The following PAPSS1 variants were observed in gnomAD, a reference collection of about 807,000 sequenced individuals.
The protein encoded by PAPSS1 is 3'-phosphoadenosine 5'-phosphosulfate synthase 1.
PAPSS1 carries 50 observed loss-of-function variants against 72.0 expected under a neutral mutation model. The ratio of observed to expected loss-of-function variants is 0.69; its 90% CI spans 0.55 to 0.88. The LOEUF is 0.88. Among genes scored for constraint, PAPSS1 ranks in the 40% least tolerant of loss-of-function variants. PAPSS1 has a pLI of 0.00. For missense variants in PAPSS1, 657 were observed against 782.2 expected (o/e 0.84, Z 1.91); for synonymous variants, 261 against 263.6 (o/e 0.99, Z 0.09).
chr4:107,717,463 G>A (rs964289836), intron 1 of PAPSS1, among the ~76,000 whole-genome samples: 13 of 152,148 alleles, frequency 8.5e-5, no homozygotes, highest in African/African-American at 3.1e-4. Context: ...ATATCCCTGT[G>A]AGGCTATCAT....
intron 3 of PAPSS1, 98 bp from the exon 4 acceptor site, chr4:107,687,275 G>A: frequency 1.2e-6 from 1 of 810,426 alleles, no homozygotes; most frequent in Non-Finnish European, 1.8e-6. Flanking sequence ...CAATTTAGTG[G>A]GAAATAGACA....
At chr4:107,628,627 ATC>A (rs1726156341) in intron 11 of PAPSS1, among the ~76,000 whole-genome samples, 1 of 152,212 alleles carries the variant, frequency 6.6e-6, no homozygotes, top group Admixed American at 6.5e-5. Context: ...TTGTTGTATT[ATC>A]TGTTTGCTTG....
At position 107,714,262 on chromosome 4, in the gene PAPSS1, C is replaced by A. The variant is rs1025802461; in HGVS notation, c.60+5858G>T. Among the ~76,000 whole-genome samples, 9 of 152,290 alleles carry A rather than the reference C, an allele frequency of 5.9e-5. No individual in the cohort carries two copies. The East Asian group carries it at 1.7e-3, about 29-fold the overall frequency. Reference sequence around the variant, plus strand: ...CTCTTAGTAATTTTCCATCCACCGACCCCCACCCTGCTCCCTCACCATAAA... The same window carrying A: ...CTCTTAGTAATTTTCCATCCACCGAACCCCACCCTGCTCCCTCACCATAAA... On this transcript the variant is annotated intron_variant, in intron 1 of 11. Transcript: ENST00000265174.
At chr4:107,674,587 G>C (rs984136237) in intron 5 of PAPSS1, among the ~76,000 whole-genome samples, 1 of 152,132 alleles carries the variant, frequency 6.6e-6, no homozygotes, top group Non-Finnish European at 1.5e-5. Flanking sequence ...AATAATGGGA[G>C]ACTTTAACAC....
intron 2 of PAPSS1, among the ~76,000 whole-genome samples, chr4:107,696,615 G>T (rs1292833660): frequency 6.6e-6 from 1 of 152,016 alleles, no homozygotes; most frequent in Non-Finnish European, 1.5e-5. Flanking sequence ...AAAGCATCAG[G>T]ATAAATAGCT....
intron 3 of PAPSS1, among the ~76,000 whole-genome samples, chr4:107,688,071 T>G (rs541885426): frequency 2.0e-5 from 3 of 151,888 alleles, no homozygotes; most frequent in Admixed American, 6.6e-5. Context: ...ATCTACATAC[T>G]AATGATCCTT....
intron 11 of PAPSS1, among the ~76,000 whole-genome samples, chr4:107,628,778 T>C (rs1324618921): frequency 6.6e-6 from 1 of 152,180 alleles, no homozygotes; most frequent in African/African-American, 2.4e-5. Flanking sequence ...GCTACACATT[T>C]TGGGCTAAGA....
At chr4:107,645,095 A>T (rs771499442) in intron 9 of PAPSS1, 25 bp from the exon 10 acceptor site, 1 of 1,473,080 alleles carries the variant, frequency 6.8e-7, no homozygotes, top group Non-Finnish European at 9.0e-7. Context: ...TCCAGAGTTA[A>T]GAATAGCATG....
At chr4:107,647,986 A>G (rs1726737853) in intron 9 of PAPSS1, among the ~76,000 whole-genome samples, 1 of 152,060 alleles carries the variant, frequency 6.6e-6, no homozygotes, top group Non-Finnish European at 1.5e-5. Flanking sequence ...CTTTCCCTCA[A>G]TTCTTCTACC....
Position 107,647,419 on chromosome 4 carries a change from T to A in PAPSS1, c.1238-2349A>T, listed in dbSNP as rs111650279. Among the ~76,000 whole-genome samples, 1,113 of 152,302 alleles carry A rather than the reference T, an allele frequency of 7.3e-3. 12 individuals are homozygous for A. The highest frequency in any genetic ancestry group is 0.024 in the African/African-American group (994 of 41,578). The stretch of plus-strand genomic sequence containing the variant: ...TGTTCCATCAACAGTGAGGATGAAA[T>A]GAGAGCCAAATTCAAATGGCACTTT... On this transcript the variant is annotated intron_variant, in intron 9 of 11. Transcript: ENST00000265174.
At chr4:107,646,879 G>A (rs1392837817) in intron 9 of PAPSS1, among the ~76,000 whole-genome samples, 1 of 152,146 alleles carries the variant, frequency 6.6e-6, no homozygotes, top group Non-Finnish European at 1.5e-5. Context: ...CTACCTCAGA[G>A]GCTCAGTTTC....
intron 1 of PAPSS1, among the ~76,000 whole-genome samples, chr4:107,702,514 G>A (rs1441828980): frequency 1.3e-5 from 2 of 151,756 alleles, no homozygotes; most frequent in Non-Finnish European, 2.9e-5. Context: ...ACCCCCACTC[G>A]ACCCCAAACC....
At chr4:107,654,076 C>T (rs971528949) in intron 8 of PAPSS1, among the ~76,000 whole-genome samples, 1 of 152,116 alleles carries the variant, frequency 6.6e-6, no homozygotes, top group Non-Finnish European at 1.5e-5. Context: ...CCTTTCCCTG[C>T]ATCCGAAAGG....
intron 10 of PAPSS1, among the ~76,000 whole-genome samples, chr4:107,641,620 T>A (rs367980514): frequency 5.3e-4 from 81 of 152,334 alleles, no homozygotes; most frequent in African/African-American, 1.9e-3. Context: ...AACGCATGCA[T>A]GCAAAGCAGC....
chr4:107,667,568 T>C (rs544365757), intron 5 of PAPSS1, among the ~76,000 whole-genome samples: 2 of 152,166 alleles, frequency 1.3e-5, no homozygotes, highest in Non-Finnish European at 2.9e-5. Context: ...AAAATTAAAT[T>C]GAATCACTGG....
chr4:107,625,552 C>T (rs1032954906), intron 11 of PAPSS1, among the ~76,000 whole-genome samples: 2 of 152,132 alleles, frequency 1.3e-5, no homozygotes, highest in African/African-American at 4.8e-5. Context: ...GAACTGAACT[C>T]GGCTAATAAC....
intron 10 of PAPSS1, among the ~76,000 whole-genome samples, chr4:107,636,174 C>T (rs1726374963): frequency 6.6e-6 from 1 of 152,134 alleles, no homozygotes; most frequent in South Asian, 2.1e-4. Flanking sequence ...AAAAAAGGTT[C>T]ATTTCAGGAT....
intron 11 of PAPSS1, among the ~76,000 whole-genome samples, chr4:107,614,784 A>C (rs1578374423): frequency 6.6e-6 from 1 of 152,114 alleles, no homozygotes; most frequent in Admixed American, 6.6e-5. Flanking sequence ...TTCCTAATTT[A>C]CTTGTACTAA....
At chr4:107,689,006 G>C (rs1417342936) in intron 3 of PAPSS1, among the ~76,000 whole-genome samples, 1 of 152,100 alleles carries the variant, frequency 6.6e-6, no homozygotes, top group East Asian at 1.9e-4. Context: ...AAGTCCTTCA[G>C]ATGTTACTTC....
Sources: gnomAD v4.1 joint callset for allele counts (sites outside exome capture counted in the v4.1 genomes callset) on GRCh38, gnomAD v4.1.1 for gene constraint, MANE v1.5 for transcripts, NCBI Gene and HGNC (gene_info 2026-07-23, HGNC 2026-07-21) for gene names.